CPQ: variants seen among roughly 807,000 people sequenced by gnomAD.
CPQ encodes carboxypeptidase Q.
Under a neutral mutation model 45.7 loss-of-function variants are expected in CPQ, and 37 were observed. The ratio of observed to expected loss-of-function variants is 0.81; its 90% confidence interval spans 0.62 to 1.07. The LOEUF (loss-of-function observed/expected upper bound fraction) is 1.07, where lower values mean the gene tolerates loss of function less well. Among genes scored for constraint, CPQ ranks in the 50% least tolerant of loss-of-function variants. The pLI, the probability that CPQ is intolerant of heterozygous loss-of-function variation, is 0.00. For synonymous variants in CPQ, 186 were observed against 205.8 expected (o/e 0.90, Z 0.82); for missense variants, 537 against 572.9 (o/e 0.94, Z 0.64).
chr8:96,844,045 C>T (rs1811652267), intron 3 of CPQ, among the ~76,000 whole-genome samples: 1 of 152,112 alleles, frequency 6.6e-6, no homozygotes, highest in Non-Finnish European at 1.5e-5. Flanking sequence ...TGTTTTTCAG[C>T]TTTTTTATTT....
At chr8:96,808,145 CTAAA>C (rs1462174117) in intron 2 of CPQ, among the ~76,000 whole-genome samples, 2 of 152,056 alleles carry the variant, frequency 1.3e-5, no homozygotes, top group Non-Finnish European at 2.9e-5. Flanking sequence ...TTTTACCAAA[CTAAA>C]TGTTTATTAG....
chr8:96,906,108 C>T (rs1381732319), intron 4 of CPQ, among the ~76,000 whole-genome samples: 4 of 152,102 alleles, frequency 2.6e-5, no homozygotes, highest in African/African-American at 9.7e-5. Flanking sequence ...ATGGAGGGGG[C>T]ATCTGGGCTG....
intron 5 of CPQ, among the ~76,000 whole-genome samples, chr8:97,003,810 C>T (rs773673894): frequency 2.0e-5 from 3 of 152,068 alleles, no homozygotes; most frequent in Admixed American, 2.0e-4. Flanking sequence ...GCAGGATGGT[C>T]AGAGCACGTA....
chr8:97,100,637 G>A (rs1227791884), intron 7 of CPQ, among the ~76,000 whole-genome samples: 1 of 152,030 alleles, frequency 6.6e-6, no homozygotes, highest in Non-Finnish European at 1.5e-5. Flanking sequence ...ATAATACATA[G>A]AACATATATT....
intron 7 of CPQ, among the ~76,000 whole-genome samples, chr8:97,118,928 A>G (rs1170021423): frequency 3.3e-5 from 5 of 152,120 alleles, no homozygotes; most frequent in Admixed American, 6.6e-5. Flanking sequence ...TGCATACTCT[A>G]TGATTGCTTT....
intron 2 of CPQ, among the ~76,000 whole-genome samples, chr8:96,788,535 C>CTT (rs1810806172): frequency 6.6e-6 from 1 of 151,996 alleles, no homozygotes; most frequent in African/African-American, 2.4e-5. Flanking sequence ...GTCATGTCTT[C>CTT]TTTATTGCTT....
chr8:96,873,317 C>G (rs1016177732), intron 3 of CPQ, among the ~76,000 whole-genome samples: 13 of 147,922 alleles, frequency 8.8e-5, no homozygotes, highest in Non-Finnish European at 1.8e-4. Context: ...TTTTCCTTCT[C>G]TTTTTTTTTT....
At position 96,657,707 on chromosome 8, in the gene CPQ, G is replaced by A. The variant is rs542349539; in HGVS notation, c.-35+12305G>A. On this transcript the variant is annotated intron_variant, in intron 1 of 7. Transcript: ENST00000220763. ...ACAACAACGACAACAAAACCCAAAA[G>A]CCTTAAATGAAGACTTTAGTGAATT... 5.3e-5 allele frequency among the ~76,000 whole-genome samples: 8 copies of A among 152,306 alleles called. No individual in the cohort carries two copies. In the South Asian group the frequency reaches 1.2e-3, roughly 24 times the overall value.
At chr8:96,982,682 G>A (rs184350579) in intron 5 of CPQ, among the ~76,000 whole-genome samples, 3 of 152,242 alleles carry the variant, frequency 2.0e-5, no homozygotes. Context: ...GATGGTAGTA[G>A]ATTATTTCAG....
At chr8:96,852,631 T>G (rs954331726) in intron 3 of CPQ, among the ~76,000 whole-genome samples, 3 of 152,206 alleles carry the variant, frequency 2.0e-5, no homozygotes, top group African/African-American at 7.2e-5. Flanking sequence ...TTTTTCACTC[T>G]TCTTTTGACA....
chr8:96,820,479 C>T (rs1811285930), intron 2 of CPQ, among the ~76,000 whole-genome samples: 1 of 151,834 alleles, frequency 6.6e-6, no homozygotes, highest in African/African-American at 2.4e-5. Flanking sequence ...TCCCCTCTCC[C>T]CTTCCTGGCC....
chr8:96,920,319 A>G (rs1018041994), intron 4 of CPQ, among the ~76,000 whole-genome samples: 4 of 152,170 alleles, frequency 2.6e-5, no homozygotes, highest in African/African-American at 9.7e-5. Flanking sequence ...GAGTAGCTAT[A>G]TGAATCATTT....
chr8:96,709,908 G>A (rs920829228), intron 1 of CPQ, among the ~76,000 whole-genome samples: 2 of 152,076 alleles, frequency 1.3e-5, no homozygotes, highest in Non-Finnish European at 2.9e-5. Context: ...GAATGAGTTA[G>A]GGAGGATTCC....
At chr8:96,844,765 C>A (rs552382494) in intron 3 of CPQ, among the ~76,000 whole-genome samples, 1 of 152,216 alleles carries the variant, frequency 6.6e-6, no homozygotes, top group African/African-American at 2.4e-5. Flanking sequence ...TAGATAGAGC[C>A]CTCCTCAGTG....
intron 3 of CPQ, among the ~76,000 whole-genome samples, chr8:96,847,893 C>G: frequency 1.5e-5 from 1 of 67,354 alleles, no homozygotes; most frequent in South Asian, 6.0e-4. Context: ...ATGAAAAGAG[C>G]TTTTTTTTTT....
chr8:96,854,447 C>T (rs1173119921), intron 3 of CPQ, among the ~76,000 whole-genome samples: 1 of 137,780 alleles, frequency 7.3e-6, no homozygotes, highest in African/African-American at 2.8e-5. Flanking sequence ...AGGAGAATGG[C>T]GTGAACCCGG....
intron 5 of CPQ, among the ~76,000 whole-genome samples, chr8:97,005,043 T>G (rs538389559): frequency 1.6e-4 from 25 of 152,120 alleles, no homozygotes; most frequent in Middle Eastern, 3.4e-3. Context: ...GTGACTTGAT[T>G]GGGAAGCTTG....
intron 4 of CPQ, among the ~76,000 whole-genome samples, chr8:96,937,964 T>G (rs1379639027): frequency 2.6e-5 from 4 of 152,238 alleles, no homozygotes; most frequent in Non-Finnish European, 5.9e-5. Flanking sequence ...TTGTGCATTG[T>G]TAAAAATTAT....
chr8:96,658,031 A>C (rs933150502), intron 1 of CPQ, among the ~76,000 whole-genome samples: 2 of 152,170 alleles, frequency 1.3e-5, no homozygotes, highest in African/African-American at 4.8e-5. Flanking sequence ...TTAATGCCAT[A>C]TGTATTGTAT....
Sources: allele counts gnomAD v4.1 joint callset (sites outside exome capture counted in the v4.1 genomes callset), GRCh38; gene constraint gnomAD v4.1.1; transcripts MANE v1.5; gene names NCBI Gene and HGNC (gene_info 2026-07-23, HGNC 2026-07-21).